RBFOX1: variants seen among roughly 807,000 people sequenced by gnomAD.
The protein encoded by RBFOX1 is RNA binding protein fox-1 homolog 1.
Under a neutral mutation model 57.7 loss-of-function variants are expected in RBFOX1, and 8 were observed. The ratio of observed to expected loss-of-function variants is 0.14; its 90% CI spans 0.08 to 0.25. RBFOX1 has a LOEUF of 0.25. Ranked by LOEUF, RBFOX1 falls within the 10% of genes least tolerant of loss-of-function variation. The probability of loss-of-function intolerance (pLI) is 1.00; values close to 1 mark genes in which losing one functional copy is unlikely to be tolerated. For synonymous variants in RBFOX1, 326 were observed against 222.4 expected (o/e 1.47, Z -4.15); for missense variants, 611 against 548.5 (o/e 1.11, Z -1.14).
chr16:6,092,902 A>G (rs1050924915), intron 1 of RBFOX1: 2 of 152,192 alleles, frequency 1.3e-5, no homozygotes, highest in Non-Finnish European at 2.9e-5. Context: ...GAATTTAAAA[A>G]TAGTGTTTTT....
chr16:6,898,239 C>G (rs150177520), intron 3 of RBFOX1, among the ~76,000 whole-genome samples: 1 of 152,138 alleles, frequency 6.6e-6, no homozygotes, highest in Non-Finnish European at 1.5e-5. Context: ...TGGCATCAAG[C>G]TCTGACTCCA....
At chr16:7,620,620 G>C (rs1373781896) in intron 10 of RBFOX1, among the ~76,000 whole-genome samples, 4 of 152,196 alleles carry the variant, frequency 2.6e-5, no homozygotes, top group Non-Finnish European at 5.9e-5. Context: ...GGAAGAGTCA[G>C]GTGTTTCCTG....
intron 2 of RBFOX1, among the ~76,000 whole-genome samples, chr16:6,644,704 A>G (rs1357323624): frequency 6.6e-6 from 1 of 152,120 alleles, no homozygotes; most frequent in African/African-American, 2.4e-5. Context: ...GCAATAATCA[A>G]TTTAGAGGTT....
chr16:5,709,972 A>T (rs8056068), intron 3 of RBFOX1, among the ~76,000 whole-genome samples: 101,925 of 146,530 alleles, frequency 0.7, 36,450 homozygotes, highest in African/African-American at 0.76. Context: ...ATCTATCCCA[A>T]AGGTGTTGGG....
At chr16:5,812,850 T>A (rs2055483616) in intron 3 of RBFOX1, among the ~76,000 whole-genome samples, 1 of 152,212 alleles carries the variant, frequency 6.6e-6, no homozygotes, top group African/African-American at 2.4e-5. Context: ...TGACTAATGA[T>A]GTTGAGTATC....
chr16:5,451,193 T>C (rs990859055), intron 1 of RBFOX1, among the ~76,000 whole-genome samples: 2 of 152,196 alleles, frequency 1.3e-5, no homozygotes, highest in Admixed American at 1.3e-4. Context: ...TCTGCTCTGA[T>C]TGGTTCCAGT....
intron 4 of RBFOX1, among the ~76,000 whole-genome samples, chr16:7,072,646 A>C (rs796916066): frequency 1.4e-4 from 21 of 152,358 alleles, no homozygotes; most frequent in African/African-American, 5.0e-4. Context: ...ATTTCAGAAT[A>C]TTTCAGAGGA....
chr16:7,246,914 C>G (rs143597495), intron 4 of RBFOX1, among the ~76,000 whole-genome samples: 1 of 152,112 alleles, frequency 6.6e-6, no homozygotes, highest in East Asian at 1.9e-4. Flanking sequence ...CTCCCTAAAC[C>G]TCAATTTTCC....
chr16:6,834,495 T>C (rs937321612), intron 3 of RBFOX1, among the ~76,000 whole-genome samples: 1 of 129,608 alleles, frequency 7.7e-6, no homozygotes, highest in Non-Finnish European at 1.6e-5. Context: ...ACTCAGTAAC[T>C]GTTTATTGAT....
chr16:7,316,963 AAC>A (rs112548867), intron 4 of RBFOX1, among the ~76,000 whole-genome samples: 7 of 146,960 alleles, frequency 4.8e-5, no homozygotes, highest in South Asian at 2.2e-4. Context: ...AAGAAGACAG[AAC>A]ACACACACAC....
chr16:6,152,671 A>G (rs1196565295), intron 1 of RBFOX1, among the ~76,000 whole-genome samples: 1 of 143,708 alleles, frequency 7.0e-6, no homozygotes. Context: ...TATGCTATCT[A>G]TGGCTTTCGT....
chr16:6,231,810 G>A (rs1194630880), intron 1 of RBFOX1, among the ~76,000 whole-genome samples: 1 of 145,358 alleles, frequency 6.9e-6, no homozygotes, highest in Non-Finnish European at 1.5e-5. Flanking sequence ...TGACTAATTG[G>A]AAAAATTCTG....
chr16:6,012,528 A>T (rs2094967528), intron 4 of RBFOX1, among the ~76,000 whole-genome samples: 1 of 152,200 alleles, frequency 6.6e-6, no homozygotes, highest in Non-Finnish European at 1.5e-5. Flanking sequence ...GTGCCCAGGG[A>T]GTCCCTCCAC....
At chr16:6,902,148 T>A (rs902579663) in intron 3 of RBFOX1, among the ~76,000 whole-genome samples, 1 of 152,182 alleles carries the variant, frequency 6.6e-6, no homozygotes, top group Non-Finnish European at 1.5e-5. Context: ...TGGTAGGTGG[T>A]GCTTTTCGTA....
chr16:5,297,566 TTTG>T (rs2063699632), intron 1 of RBFOX1, among the ~76,000 whole-genome samples: 1 of 152,228 alleles, frequency 6.6e-6, no homozygotes, highest in African/African-American at 2.4e-5. Flanking sequence ...ACTTAGATCT[TTTG>T]CTCATTTTTT....
At chr16:7,018,727 C>G (rs1026618752) in intron 3 of RBFOX1, among the ~76,000 whole-genome samples, 5 of 151,868 alleles carry the variant, frequency 3.3e-5, no homozygotes, top group African/African-American at 1.2e-4. Context: ...CAACATGGCA[C>G]CTGTATACAC....
intron 3 of RBFOX1, among the ~76,000 whole-genome samples, chr16:6,672,897 C>T (rs1009649767): frequency 2.6e-5 from 4 of 152,106 alleles, no homozygotes; most frequent in African/African-American, 7.2e-5. Context: ...GACCCATTGA[C>T]TAAACTGAAT....
intron 3 of RBFOX1, among the ~76,000 whole-genome samples, chr16:5,673,314 C>G (rs764172042): frequency 3.3e-5 from 5 of 152,084 alleles, no homozygotes; most frequent in Non-Finnish European, 5.9e-5. Flanking sequence ...AGGAGCCAGG[C>G]AGGAAGCAGG....
intron 4 of RBFOX1, among the ~76,000 whole-genome samples, chr16:7,178,617 G>A (rs138381735): frequency 7.0e-4 from 107 of 152,230 alleles, no homozygotes; most frequent in African/African-American, 2.6e-3. Flanking sequence ...CTACATAAGT[G>A]AAATCTGAAA....
Sources: gnomAD v4.1 joint callset for allele counts (sites outside exome capture counted in the v4.1 genomes callset) on GRCh38, gnomAD v4.1.1 for gene constraint, MANE v1.5 for transcripts, NCBI Gene and HGNC (gene_info 2026-07-23, HGNC 2026-07-21) for gene names.